GPR141: variants seen among roughly 807,000 people sequenced by gnomAD.
GPR141 encodes G protein-coupled receptor 141.
GPR141 carries 6 observed loss-of-function variants against 6.8 expected under a neutral mutation model. The observed-to-expected ratio is 0.88, with a 90% CI of 0.48 to 1.74. GPR141 has a LOEUF of 1.74. Ranked by LOEUF, GPR141 falls within the 40% of genes most tolerant of loss-of-function variation. The pLI, the probability that GPR141 is intolerant of heterozygous loss-of-function variation, is 0.01. For synonymous variants in GPR141, 140 were observed against 142.3 expected (o/e 0.98, Z 0.11); for missense variants, 372 against 372.9 (o/e 1.00, Z 0.02).
At chr7:37,738,026 G>A (rs988214483) in intron 2 of GPR141, among the ~76,000 whole-genome samples, 2 of 152,160 alleles carry the variant, frequency 1.3e-5, no homozygotes, top group Admixed American at 1.3e-4. Flanking sequence ...TAGAAACTTG[G>A]ACTTAGGAGA....
chr7:37,690,648 A>G (rs1435799183), intron 2 of GPR141, among the ~76,000 whole-genome samples: 1 of 152,096 alleles, frequency 6.6e-6, no homozygotes, highest in Non-Finnish European at 1.5e-5. Flanking sequence ...TCATTTCTAG[A>G]TTATTTCATC....
intron 2 of GPR141, among the ~76,000 whole-genome samples, chr7:37,688,174 C>T (rs772109797): frequency 9.9e-5 from 15 of 152,202 alleles, no homozygotes; most frequent in South Asian, 6.2e-4. Context: ...CGGTGACTCA[C>T]GCCTGTGATC....
intron 2 of GPR141, among the ~76,000 whole-genome samples, chr7:37,737,945 T>C (rs1312957215): frequency 6.6e-6 from 1 of 152,222 alleles, no homozygotes; most frequent in Non-Finnish European, 1.5e-5. Context: ...CCTTTCAAGA[T>C]ATGTTGGCAT....
Position 37,741,327 on chromosome 7 carries a change from T to C in GPR141, c.*16T>C, listed in dbSNP as rs761601724. ...GTGCCGTTAGCCACAAACTACAGTA[T>C]TCATATTTGCTTCCTTTATATTGGG... On this transcript the variant is annotated 3_prime_UTR_variant, in exon 3 of 3. Coordinates refer to ENST00000334425, the MANE Select transcript of GPR141 (RefSeq NM_001381946.1). The C allele has an allele frequency of 7.8e-6, 12 of 1,533,894 alleles. No individual in the cohort carries two copies. In the Admixed American group the frequency reaches 2.4e-4, roughly 31 times the overall value.
intron 2 of GPR141, among the ~76,000 whole-genome samples, chr7:37,727,886 G>A (rs1379761688): frequency 2.0e-5 from 3 of 152,152 alleles, no homozygotes; most frequent in African/African-American, 7.2e-5. Context: ...GAATAAAATT[G>A]AAAATCCTTA....
At chr7:37,689,467 ATTAG>A (rs1346620360) in intron 2 of GPR141, among the ~76,000 whole-genome samples, 1 of 152,124 alleles carries the variant, frequency 6.6e-6, no homozygotes, top group East Asian at 1.9e-4. Context: ...AAGAAATAGT[ATTAG>A]TTATTTTCTG....
intron 2 of GPR141, among the ~76,000 whole-genome samples, chr7:37,722,454 G>T (rs1811383591): frequency 6.6e-6 from 1 of 150,448 alleles, no homozygotes; most frequent in Non-Finnish European, 1.5e-5. Flanking sequence ...GGGCACAGTA[G>T]CTCACCCCTC....
At chr7:37,730,923 G>A (rs1319211041) in intron 2 of GPR141, among the ~76,000 whole-genome samples, 1 of 152,192 alleles carries the variant, frequency 6.6e-6, no homozygotes. Context: ...TTTGTGAAAA[G>A]GCTCGAAATT....
chr7:37,725,962 A>G (rs1811606970), intron 2 of GPR141, among the ~76,000 whole-genome samples: 1 of 152,132 alleles, frequency 6.6e-6, no homozygotes. Context: ...GTTTTCATCA[A>G]GAAGTTATAT....
At chr7:37,688,358 G>C (rs1303940554) in intron 2 of GPR141, among the ~76,000 whole-genome samples, 1 of 152,062 alleles carries the variant, frequency 6.6e-6, no homozygotes, top group African/African-American at 2.4e-5. Flanking sequence ...CTTAAACCCA[G>C]GAGGCAGAGG....
At chr7:37,721,193 TTTGTTAG>T (rs1457592246) in intron 2 of GPR141, among the ~76,000 whole-genome samples, 1 of 152,160 alleles carries the variant, frequency 6.6e-6, no homozygotes, top group African/African-American at 2.4e-5. Context: ...AGGGCTGTCA[TTTGTTAG>T]TTGAGTGAAC....
At chr7:37,720,180 AGGC>A (rs1419423920) in intron 2 of GPR141, among the ~76,000 whole-genome samples, 1 of 152,164 alleles carries the variant, frequency 6.6e-6, no homozygotes, top group African/African-American at 2.4e-5. Context: ...GTTGGGCAGA[AGGC>A]AGGCAGAGAA....
At chr7:37,735,110 G>T (rs1200923853) in intron 2 of GPR141, among the ~76,000 whole-genome samples, 1 of 152,136 alleles carries the variant, frequency 6.6e-6, no homozygotes, top group East Asian at 1.9e-4. Context: ...GGGATGGAAG[G>T]TTGATCAACT....
At chr7:37,727,813 A>G (rs1811707100) in intron 2 of GPR141, among the ~76,000 whole-genome samples, 1 of 152,236 alleles carries the variant, frequency 6.6e-6, no homozygotes, top group Non-Finnish European at 1.5e-5. Context: ...ACAAGCTTTC[A>G]AAATTGAAAT....
At chr7:37,706,363 A>G (rs983897845) in intron 2 of GPR141, among the ~76,000 whole-genome samples, 2 of 152,260 alleles carry the variant, frequency 1.3e-5, no homozygotes, top group Non-Finnish European at 2.9e-5. Flanking sequence ...TCCAAAATTC[A>G]GAGCACTGTT....
intron 2 of GPR141, among the ~76,000 whole-genome samples, chr7:37,691,962 CT>C (rs539767176): frequency 6.6e-6 from 1 of 151,808 alleles, no homozygotes; most frequent in African/African-American, 2.4e-5. Flanking sequence ...TCTTTGACTT[CT>C]TTTTTTTGTG....
At chr7:37,708,975 T>G (rs1810666920) in intron 2 of GPR141, among the ~76,000 whole-genome samples, 1 of 152,242 alleles carries the variant, frequency 6.6e-6, no homozygotes, top group Non-Finnish European at 1.5e-5. Context: ...ATTATTAAAC[T>G]ATATTTTTAA....
chr7:37,716,123 A>G (rs917723554), intron 2 of GPR141, among the ~76,000 whole-genome samples: 3 of 152,210 alleles, frequency 2.0e-5, no homozygotes, highest in Non-Finnish European at 4.4e-5. Flanking sequence ...GGAGTCTGGG[A>G]GCCAGGCAAA....
chr7:37,728,341 A>G (rs1293856117), intron 2 of GPR141, among the ~76,000 whole-genome samples: 1 of 118,536 alleles, frequency 8.4e-6, no homozygotes, highest in Non-Finnish European at 2.1e-5. Context: ...GTAGACAGTT[A>G]GAGTGATATC....
Sources: gnomAD v4.1 joint callset for allele counts (sites outside exome capture counted in the v4.1 genomes callset) on GRCh38, gnomAD v4.1.1 for gene constraint, MANE v1.5 for transcripts, NCBI Gene and HGNC (gene_info 2026-07-23, HGNC 2026-07-21) for gene names.